Variants in NLK observed in about 807,000 individuals in gnomAD.
The protein encoded by NLK is nemo like kinase, also known as serine/threonine-protein kinase NLK.
NLK carries 11 observed loss-of-function variants against 59.0 expected under a neutral mutation model. That is an observed-to-expected ratio of 0.19 (90% CI 0.12 to 0.31). NLK has a LOEUF of 0.31. Ranked by LOEUF, NLK falls within the 10% of genes least tolerant of loss-of-function variation. NLK has a pLI of 1.00. For missense variants in NLK, 410 were observed against 661.1 expected (o/e 0.62, Z 4.16); for synonymous variants, 235 against 235.9 (o/e 1.00, Z 0.03).
At position 28,042,790 on chromosome 17, in the gene NLK, G is replaced by T. The variant is rs1908895407; in HGVS notation, c.-84G>T. ...ATAAAGCTCTATGTTTTTTGAGGTG[G>T]AGTGAGTGGTTTTTCTTCATTTTTA... is the stretch of plus-strand genomic sequence containing the variant. On this transcript the variant is annotated 5_prime_UTR_variant, in exon 1 of 11. An upstream open reading frame in the 5' UTR gains an earlier in-frame stop. Coordinates refer to ENST00000407008, the MANE Select transcript of NLK (RefSeq NM_016231.5). 1 of 1,191,180 alleles carries T rather than the reference G, an allele frequency of 8.4e-7. No individual in the cohort carries two copies. Among genetic ancestry groups the T allele is most frequent in the South Asian group, 1.6e-5 (1 of 61,476 alleles). 73.8% of individuals were successfully genotyped at this position (1,191,180 alleles called of 1,614,324 possible).
At chr17:28,161,318 T>G (rs533004387) in intron 4 of NLK, 52 bp downstream of exon 4, 1 of 1,001,126 alleles carries the variant, frequency 1.0e-6, no homozygotes, top group Admixed American at 1.8e-5. Flanking sequence ...AATGAAATGT[T>G]TTGCTTCTCA....
chr17:28,098,912 C>T (rs1390305460), intron 1 of NLK, among the ~76,000 whole-genome samples: 1 of 151,968 alleles, frequency 6.6e-6, no homozygotes, highest in Non-Finnish European at 1.5e-5. Flanking sequence ...GAACTCCCGA[C>T]CTCAGGTGAT....
At chr17:28,157,789 C>G (rs1907837726) in intron 3 of NLK, among the ~76,000 whole-genome samples, 1 of 152,156 alleles carries the variant, frequency 6.6e-6, no homozygotes, top group South Asian at 2.1e-4. Context: ...ATTTCTTTAT[C>G]TAAATTTAGG....
At chr17:28,124,125 T>G (rs1225947177) in intron 2 of NLK, among the ~76,000 whole-genome samples, 2 of 152,260 alleles carry the variant, frequency 1.3e-5, no homozygotes, top group African/African-American at 4.8e-5. Context: ...TTCATTTTAA[T>G]GATTATTCCT....
At chr17:28,166,046 C>T (rs1330004994) in intron 5 of NLK, among the ~76,000 whole-genome samples, 2 of 152,176 alleles carry the variant, frequency 1.3e-5, no homozygotes, top group Admixed American at 6.5e-5. Flanking sequence ...AAAACCCTGT[C>T]TCTACTAAAA....
chr17:28,192,364 T>C (rs574609814), intron 10 of NLK, among the ~76,000 whole-genome samples, 151 bp downstream of exon 10: 2 of 152,292 alleles, frequency 1.3e-5, no homozygotes, highest in South Asian at 4.1e-4. Context: ...TAGTCAAAAG[T>C]GTATTAAAAC....
intron 3 of NLK, among the ~76,000 whole-genome samples, chr17:28,135,295 T>G (rs910390074): frequency 6.6e-6 from 1 of 152,190 alleles, no homozygotes; most frequent in African/African-American, 2.4e-5. Context: ...CCAGAAAAGC[T>G]GTTATTCCCT....
intron 6 of NLK, among the ~76,000 whole-genome samples, 158 bp downstream of exon 6, chr17:28,168,815 T>G (rs1314484096): frequency 6.6e-6 from 1 of 152,210 alleles, no homozygotes; most frequent in Admixed American, 6.5e-5. Context: ...AGTTGAAGAT[T>G]ACAAAGAGAT....
At chr17:28,102,948 G>T (rs1249442463) in intron 1 of NLK, among the ~76,000 whole-genome samples, 1 of 152,162 alleles carries the variant, frequency 6.6e-6, no homozygotes, top group Non-Finnish European at 1.5e-5. Context: ...AGAGTAAATG[G>T]TTTGCAGGTG....
rs898965057 is a variant in NLK at position 28,166,279 on chromosome 17, A to T, written c.838-2169A>T. ...GAACTCGGGCTTTTGTTGTTATGTTATATGGTTTATCTGTATAGTATGGAA... is the reference window on the plus strand; with the variant it reads ...GAACTCGGGCTTTTGTTGTTATGTTTTATGGTTTATCTGTATAGTATGGAA... On this transcript the variant is annotated intron_variant, in intron 5 of 10. Coordinates refer to ENST00000407008, the MANE Select transcript of NLK (RefSeq NM_016231.5). 9.2e-5 allele frequency among the ~76,000 whole-genome samples: 14 copies of T among 152,096 alleles called. 1 individual carries two copies. Among genetic ancestry groups the T allele is most frequent in the Admixed American group, 3.9e-4 (6 of 15,266 alleles).
intron 3 of NLK, among the ~76,000 whole-genome samples, chr17:28,143,134 C>G (rs1907079633): frequency 6.6e-6 from 1 of 151,604 alleles, no homozygotes; most frequent in Non-Finnish European, 1.5e-5. Context: ...ACCTCCACCT[C>G]CTGGGTTCCA....
intron 1 of NLK, among the ~76,000 whole-genome samples, chr17:28,117,254 T>C (rs1905820049): frequency 6.6e-6 from 1 of 152,236 alleles, no homozygotes; most frequent in Non-Finnish European, 1.5e-5. Flanking sequence ...CAATTAAATA[T>C]TCCCAAGACC....
At chr17:28,099,898 A>G (rs1904848230) in intron 1 of NLK, among the ~76,000 whole-genome samples, 1 of 152,090 alleles carries the variant, frequency 6.6e-6, no homozygotes, top group South Asian at 2.1e-4. Flanking sequence ...TTTACTTAGC[A>G]TAATGTTTTG....
At chr17:28,091,914 A>G (rs559289802) in intron 1 of NLK, among the ~76,000 whole-genome samples, 9 of 152,254 alleles carry the variant, frequency 5.9e-5, no homozygotes, top group Middle Eastern at 3.4e-3. Context: ...TCATACTGGC[A>G]TCTGATTTTT....
intron 7 of NLK, among the ~76,000 whole-genome samples, chr17:28,177,788 T>C (rs1335037249): frequency 6.6e-6 from 1 of 152,360 alleles, no homozygotes; most frequent in South Asian, 2.1e-4. Flanking sequence ...TTTCCTCATA[T>C]CAAGAGGTTT....
intron 1 of NLK, among the ~76,000 whole-genome samples, chr17:28,107,907 C>T (rs889708690): frequency 2.1e-4 from 32 of 151,866 alleles, no homozygotes; most frequent in Non-Finnish European, 4.4e-5. Flanking sequence ...ATGGTGTGCC[C>T]CAAATATTTG....
chr17:28,179,142 A>G (rs772485528), intron 7 of NLK, among the ~76,000 whole-genome samples: 3 of 152,238 alleles, frequency 2.0e-5, no homozygotes, highest in Non-Finnish European at 4.4e-5. Context: ...AACTTGCAGA[A>G]CAAACAGAAA....
chr17:28,126,632 C>A (rs1248065822), intron 2 of NLK, among the ~76,000 whole-genome samples: 2 of 152,126 alleles, frequency 1.3e-5, no homozygotes, highest in Admixed American at 6.5e-5. Flanking sequence ...TTGAAAGGAA[C>A]CTTCAAAGTC....
At chr17:28,060,646 C>T (rs1344576465) in intron 1 of NLK, among the ~76,000 whole-genome samples, 1 of 152,120 alleles carries the variant, frequency 6.6e-6, no homozygotes, top group African/African-American at 2.4e-5. Flanking sequence ...AGAGAATGGG[C>T]ACATAGAAGA....
Sources: gnomAD v4.1 joint callset for allele counts (sites outside exome capture counted in the v4.1 genomes callset) on GRCh38, gnomAD v4.1.1 for gene constraint, MANE v1.5 for transcripts, NCBI Gene and HGNC (gene_info 2026-07-23, HGNC 2026-07-21) for gene names.